The following PTPRC variants were observed in gnomAD, a reference collection of about 807,000 sequenced individuals.
PTPRC encodes the protein receptor-type tyrosine-protein phosphatase C.
In PTPRC, 44 loss-of-function variants were observed where a neutral mutation model predicts 155.9. The ratio of observed to expected loss-of-function variants is 0.28; its 90% CI spans 0.22 to 0.36. The LOEUF (loss-of-function observed/expected upper bound fraction) is 0.36, where lower values mean the gene tolerates loss of function less well. Among genes scored for constraint, PTPRC ranks in the 10% least tolerant of loss-of-function variants. PTPRC has a pLI of 1.00. For synonymous variants in PTPRC, 525 were observed against 533.1 expected (o/e 0.98, Z 0.21); for missense variants, 1,401 against 1,564.6 (o/e 0.90, Z 1.76).
chr1:198,734,297 T>C (rs878914151), intron 21 of PTPRC, 31 bp from the exon 22 acceptor site: 3 of 1,610,146 alleles, frequency 1.9e-6, no homozygotes, highest in Non-Finnish European at 1.7e-6. Context: ...AGAAAATTTT[T>C]CTTATCAGCT....
chr1:198,700,051 T>A (rs575216901), intron 5 of PTPRC: 1 of 355,018 alleles, frequency 2.8e-6, no homozygotes, highest in Non-Finnish European at 5.3e-6. Context: ...TTAAAGACTT[T>A]GTACCAACAA....
chr1:198,709,341 T>G (rs942261399), intron 10 of PTPRC, among the ~76,000 whole-genome samples: 4 of 152,128 alleles, frequency 2.6e-5, no homozygotes, highest in Admixed American at 2.6e-4. Flanking sequence ...CCTCAAGCTA[T>G]GTATATGAGG....
At chr1:198,729,064 AAATAT>A in intron 16 of PTPRC, 68 bp from the exon 17 acceptor site, 5 of 1,507,616 alleles carry the variant, frequency 3.3e-6, no homozygotes, top group Non-Finnish European at 4.6e-6. Context: ...TATATTCATT[AAATAT>A]AAGTAAAATA....
chr1:198,668,483 C>T (rs1031725768), intron 2 of PTPRC, among the ~76,000 whole-genome samples: 5 of 152,102 alleles, frequency 3.3e-5, no homozygotes, highest in Non-Finnish European at 5.9e-5. Context: ...TTAAAATGTG[C>T]GTGTTATGGA....
rs887066233 is a variant in PTPRC at position 198,755,999 on chromosome 1, G to A, written c.3739G>A (p.Glu1247Lys). 1 of 1,613,286 alleles carries A rather than the reference G, an allele frequency of 6.2e-7. No individual in the cohort carries two copies. Among genetic ancestry groups the A allele is most frequent in the Non-Finnish European group, 8.5e-7 (1 of 1,179,580 alleles). The change falls in exon 33 of 33, where the codon GAA becomes AAA. Residue 1247 changes from glutamate (E) to lysine (K), a missense_variant. Glu to Lys is a moderately conservative substitution (Grantham distance 56). Coordinates refer to ENST00000442510, the MANE Select transcript of PTPRC (RefSeq NM_002838.5). Reference protein sequence around the residue: ...KKNNHQEDKIEFDNEVDKVKQ... With the variant: ...KKNNHQEDKIKFDNEVDKVKQ... ...AAACAACCATCAAGAAGATAAAATT[G>A]AATTTGATAATGAAGTGGACAAAGT...
chr1:198,698,224 T>C (rs1458246130), intron 4 of PTPRC, among the ~76,000 whole-genome samples: 1 of 152,138 alleles, frequency 6.6e-6, no homozygotes, highest in African/African-American at 2.4e-5. Flanking sequence ...AATTTACAGG[T>C]AGAGCAAAGT....
chr1:198,665,092 T>C (rs1422957769), intron 2 of PTPRC, among the ~76,000 whole-genome samples: 4 of 128,462 alleles, frequency 3.1e-5, no homozygotes, highest in East Asian at 4.5e-4. Flanking sequence ...TTTTTTTTTT[T>C]TTTTTTTTTT....
At chr1:198,676,362 C>G (rs1166090341) in intron 2 of PTPRC, among the ~76,000 whole-genome samples, 2 of 151,894 alleles carry the variant, frequency 1.3e-5, no homozygotes, top group African/African-American at 4.8e-5. Flanking sequence ...TTTTTTTCAT[C>G]CAACTGTGAA....
chr1:198,749,167 G>T (rs1655267620), intron 27 of PTPRC, among the ~76,000 whole-genome samples: 1 of 151,600 alleles, frequency 6.6e-6, no homozygotes, highest in African/African-American at 2.4e-5. Context: ...ATAATGATAT[G>T]ATATCTCTTT....
intron 2 of PTPRC, chr1:198,660,509 G>GTGGTGTGTT (rs1663903774): frequency 6.7e-6 from 1 of 149,206 alleles, no homozygotes; most frequent in African/African-American, 2.5e-5. Flanking sequence ...TGTGGTGTGT[G>GTGGTGTGTT]TGTGTATTCT....
intron 15 of PTPRC, among the ~76,000 whole-genome samples, chr1:198,722,739 T>A (rs2102458466): frequency 6.6e-6 from 1 of 151,928 alleles, no homozygotes; most frequent in Non-Finnish European, 1.5e-5. Context: ...CCCAAACTAT[T>A]AAATTATGTT....
chr1:198,740,288 A>G (rs1654839286), intron 23 of PTPRC, among the ~76,000 whole-genome samples: 2 of 151,922 alleles, frequency 1.3e-5, no homozygotes, highest in South Asian at 4.1e-4. Context: ...AAAAAGAGAA[A>G]ATTGACAGGC....
chr1:198,650,199 T>C (rs935348737), intron 2 of PTPRC, among the ~76,000 whole-genome samples: 1 of 151,836 alleles, frequency 6.6e-6, no homozygotes, highest in African/African-American at 2.4e-5. Flanking sequence ...CCACAGGGCC[T>C]TGATGGAAAT....
chr1:198,682,448 CA>C (rs147667250), intron 2 of PTPRC, among the ~76,000 whole-genome samples: 2 of 151,510 alleles, frequency 1.3e-5, no homozygotes, highest in East Asian at 1.9e-4. Flanking sequence ...AGTTAGTTCA[CA>C]AAAAAAAGTA....
intron 26 of PTPRC, among the ~76,000 whole-genome samples, chr1:198,747,254 GAA>G (rs67022392): frequency 7.2e-4 from 97 of 135,072 alleles, no homozygotes; most frequent in Non-Finnish European, 8.8e-4. Flanking sequence ...GTTCAAGCAA[GAA>G]AAAAAAAAAA....
rs1389355995 is a variant in PTPRC, at chr1:198,716,761, A to T, written c.1371A>T (p.Leu457Phe). ...QNLKPYTKYV[L>F]SLHAYIIAKV... Reference sequence around the variant, plus strand: ...TAAAACCTTATACGAAATATGTTTTATCATTACATGCCTACATCATTGCAA... The same window carrying T: ...TAAAACCTTATACGAAATATGTTTTTTCATTACATGCCTACATCATTGCAA... Residue 457 changes from leucine (L) to phenylalanine (F), a missense_variant, in exon 13 of 33, where the codon TTA becomes TTT. Leu to Phe is a conservative substitution (Grantham distance 22, BLOSUM62 0). This residue lies in a region of PTPRC where 867 missense variants were observed against 970.4 expected (regional missense o/e 0.89). Transcript: ENST00000442510. The T allele has an allele frequency of 6.2e-7, 1 of 1,613,226 alleles. No individual in the cohort carries two copies. The highest frequency in any genetic ancestry group is 1.7e-5 in the Admixed American group (1 of 60,008).
At chr1:198,755,868 C>CTT (rs1655623650) in intron 32 of PTPRC, 38 bp from the exon 33 acceptor site, 4 of 1,565,402 alleles carry the variant, frequency 2.6e-6, no homozygotes, top group Non-Finnish European at 3.5e-6. Context: ...ATGACATCAA[C>CTT]TTTCTTCATG....
chr1:198,654,871 G>A (rs997203978), intron 2 of PTPRC, among the ~76,000 whole-genome samples: 1 of 151,814 alleles, frequency 6.6e-6, no homozygotes, highest in Non-Finnish European at 1.5e-5. Context: ...TACTAAGAAT[G>A]AACTACAGAT....
At chr1:198,721,447 G>T (rs1466144889) in intron 14 of PTPRC, among the ~76,000 whole-genome samples, 1 of 151,946 alleles carries the variant, frequency 6.6e-6, no homozygotes, top group Non-Finnish European at 1.5e-5. Context: ...TATATCGTTT[G>T]TCACTAATTT....
Sources: gnomAD v4.1 joint callset for allele counts (sites outside exome capture counted in the v4.1 genomes callset) on GRCh38, gnomAD v4.1.1 for gene constraint, gnomAD v4.1.1 regional missense constraint, MANE v1.5 for transcripts, NCBI Gene and HGNC (gene_info 2026-07-23, HGNC 2026-07-21) for gene names.